The following MAN2B1 variants were observed in gnomAD, a reference collection of about 807,000 sequenced individuals.
The protein encoded by MAN2B1 is lysosomal alpha-mannosidase.
A neutral mutation model predicts 127.5 loss-of-function variants in MAN2B1; 99 were observed. The ratio of observed to expected loss-of-function variants is 0.78; its 90% CI spans 0.66 to 0.92. MAN2B1 has a LOEUF of 0.92. MAN2B1 is among the 40% of genes least tolerant of loss of function. The pLI is 0.00. For synonymous variants in MAN2B1, 573 were observed against 568.8 expected, an observed-to-expected ratio of 1.01 and a Z score of -0.11; for missense variants, 1,304 against 1,384.8, an observed-to-expected ratio of 0.94 and a Z score of 0.93.
At position 12,657,573 on chromosome 19, in the gene MAN2B1, G is replaced by A. The variant is rs1242579166; in HGVS notation, c.1310-18C>T. 1.3e-6 allele frequency: 2 copies of A among 1,546,924 alleles called. No homozygotes were observed. Among genetic ancestry groups the A allele is most frequent in the Non-Finnish European group, 1.8e-6 (2 of 1,142,614 alleles). ...CGCCTCATCTGCTCATAGACAATGA[G>A]TCCGGTGAGGTTCTGTGGGACTCAG... On this transcript the variant is annotated intron_variant, in intron 10 of 23. Coordinates refer to ENST00000456935, the MANE Select transcript of MAN2B1 (RefSeq NM_000528.4).
chr19:12,656,421 T>C, intron 13 of MAN2B1, 150 bp downstream of exon 13: 4 of 662,708 alleles, frequency 6.0e-6, no homozygotes, highest in Non-Finnish European at 1.1e-5. Context: ...AGACTGATAT[T>C]AAGGGGCAGA....
In MAN2B1 at chr19:12,649,477, CTTTTT is replaced by C. The variant is rs36018312; in HGVS notation, c.2268-54_2268-50del. The C allele has an allele frequency of 7.8e-3, 3,284 of 421,310 alleles. 88 individuals are homozygous for C. The African/African-American group carries it at 0.11, about 14-fold the overall frequency. 26.1% of individuals were successfully genotyped at this position (421,310 alleles called of 1,614,324 possible). On this transcript the variant is annotated intron_variant, in intron 18 of 23. Transcript: ENST00000456935. ...AGGCTTGGGATCTGGCTCCCCAACT[CTTTTT>C]TTTTTTTTTTTTTTTTTGAGATGGA...
Position 12,662,948 on chromosome 19 carries a change from A to T in MAN2B1, c.909+369T>A, listed in dbSNP as rs149860781. Among the ~76,000 whole-genome samples, 677 of 149,916 alleles carry T rather than the reference A, an allele frequency of 4.5e-3. 10 individuals carry two copies. Among genetic ancestry groups the T allele is most frequent in the East Asian group, 0.042 (214 of 5,138 alleles). Reference sequence around the variant, plus strand: ...GCAAGACTCTGTCTCAAAAAAAAAAAAATAATAATAAATAAATAAAAATGT... The same window carrying T: ...GCAAGACTCTGTCTCAAAAAAAAAATAATAATAATAAATAAATAAAAATGT... On this transcript the variant is annotated intron_variant, in intron 6 of 23. Coordinates refer to ENST00000456935, the MANE Select transcript of MAN2B1 (RefSeq NM_000528.4).
intron 3 of MAN2B1, 137 bp from the exon 4 acceptor site, chr19:12,665,122 A>C: frequency 9.5e-7 from 1 of 1,052,016 alleles, no homozygotes; most frequent in Non-Finnish European, 1.4e-6. Context: ...CCCAGGCCAT[A>C]GTTCCCAGAT....
intron 23 of MAN2B1, 167 bp from the exon 24 acceptor site, chr19:12,646,899 C>G: frequency 1.6e-6 from 1 of 634,064 alleles, no homozygotes; most frequent in Non-Finnish European, 2.8e-6. Flanking sequence ...AATACCACCC[C>G]CAGGTCCAAT....
At chr19:12,652,768 G>A (rs1226945646) in intron 14 of MAN2B1, among the ~76,000 whole-genome samples, 1 of 151,946 alleles carries the variant, frequency 6.6e-6, no homozygotes, top group Non-Finnish European at 1.5e-5. Flanking sequence ...CTGAACTCAA[G>A]TGATCTGCTC....
intron 14 of MAN2B1, among the ~76,000 whole-genome samples, chr19:12,654,929 G>A (rs999659270): frequency 6.6e-6 from 1 of 152,276 alleles, no homozygotes; most frequent in South Asian, 2.1e-4. Context: ...GCCTCCCGTG[G>A]TGCTAGAATT....
intron 16 of MAN2B1, among the ~76,000 whole-genome samples, chr19:12,651,137 C>T (rs1207829587): frequency 1.3e-5 from 2 of 152,164 alleles, no homozygotes; most frequent in African/African-American, 4.8e-5. Flanking sequence ...TACCACATCA[C>T]TCTTGAGCGT....
rs761096537 is a variant in MAN2B1 at position 12,650,243 on chromosome 19, T to C, written c.2047-21A>G. 2.8e-5 allele frequency: 42 copies of C among 1,507,408 alleles called. 1 individual carries two copies. The highest frequency in any genetic ancestry group is 6.7e-5 in the Admixed American group (4 of 59,840). 93.4% of individuals were successfully genotyped at this position (1,507,408 alleles called of 1,614,324 possible). On this transcript the variant is annotated intron_variant, in intron 16 of 23. Transcript: ENST00000456935. ...GGTGTCTGCGGGCACACGGGTGAGGTGGATGTCAGTCTGTACCTGAGCAGA... is the reference window on the plus strand; with the variant it reads ...GGTGTCTGCGGGCACACGGGTGAGGCGGATGTCAGTCTGTACCTGAGCAGA...
At chr19:12,649,296 T>A (rs1469902328) in intron 19 of MAN2B1, 45 bp downstream of exon 19, 1 of 1,598,612 alleles carries the variant, frequency 6.3e-7, no homozygotes, top group Non-Finnish European at 8.6e-7. Context: ...AAGGGGTGAT[T>A]CCCTTTCTAT....
intron 7 of MAN2B1, among the ~76,000 whole-genome samples, chr19:12,659,390 C>T (rs1485766832): frequency 6.6e-6 from 1 of 151,768 alleles, no homozygotes; most frequent in African/African-American, 2.4e-5. Flanking sequence ...CAAACTCCGC[C>T]TCCCAGGTTC....
chr19:12,661,443 G>C, intron 6 of MAN2B1, 67 bp from the exon 7 acceptor site: 1 of 1,065,640 alleles, frequency 9.4e-7, no homozygotes, highest in South Asian at 1.2e-5. Context: ...GCTGTGTTTT[G>C]ATGTATATGG....
In MAN2B1 at chr19:12,648,404, T is replaced by TG. The variant is rs1599339748; in HGVS notation, c.2437-3dup. ...GTCCTTCAGCAGCCTTCGGTGCACC[T>TG]GGGGGGAGAGTGGCCAGGAGGGGGT... On this transcript the variant is annotated splice_region_variant and splice_polypyrimidine_tract_variant and intron_variant, in intron 20 of 23. Transcript: ENST00000456935. The TG allele has an allele frequency of 6.2e-7, 1 of 1,608,280 alleles. No homozygotes were observed.
At chr19:12,652,092 C>G (rs2023850214) in intron 16 of MAN2B1, 61 bp downstream of exon 16, 8 of 1,296,948 alleles carry the variant, frequency 6.2e-6, no homozygotes, top group Non-Finnish European at 9.0e-6. Context: ...GGCCCACCAC[C>G]CTCTTGGGCT....
chr19:12,656,985 G>A lies in MAN2B1; in HGVS notation c.1491C>T (p.Asn497=). 2 of 1,613,718 alleles carry A rather than the reference G, an allele frequency of 1.2e-6. No individual in the cohort carries two copies. The highest frequency in any genetic ancestry group is 1.7e-6 in the Non-Finnish European group (2 of 1,180,006). ...KDHFTFCQQL[N]ISICPLSQTA... Reference sequence around the variant, plus strand: ...TCTGGCTGAGCGGGCAGATGCTGATGTTTAGCTGTTGGCAAAAGGTGAAGT... The same window carrying A: ...TCTGGCTGAGCGGGCAGATGCTGATATTTAGCTGTTGGCAAAAGGTGAAGT... Residue 497 remains asparagine (N), a synonymous_variant, in exon 12 of 24, where the codon AAC becomes AAT. Transcript: ENST00000456935.
In MAN2B1 at chr19:12,666,614, G is replaced by A. The variant is rs758435385; in HGVS notation, c.88C>T (p.Pro30Ser). 1.9e-6 allele frequency: 3 copies of A among 1,558,512 alleles called. No individual in the cohort carries two copies. Among genetic ancestry groups the A allele is most frequent in the East Asian group, 2.4e-5 (1 of 41,798 alleles). The change falls in exon 1 of 24, where the codon CCA becomes TCA. Residue 30 changes from proline (P) to serine (S), a missense_variant. Transcript: ENST00000456935. ...GPWTMSRALR[P>S]PLPPLCFFLL... ...AAAAAGCAGAGAGGCGGGAGCGGTG[G>A]CCGCAGGGCGCGGGACATGGTCCAG... is the stretch of plus-strand genomic sequence containing the variant.
At position 12,647,567 on chromosome 19, in the gene MAN2B1, G is replaced by A. The variant is rs767323371; in HGVS notation, c.2696C>T (p.Ser899Leu). The change falls in exon 22 of 24, where the codon TCG (serine) becomes TTG (leucine). Residue 899 changes from serine (S) to leucine (L), a missense_variant. Transcript: ENST00000456935. The surrounding 1 kb of genome is among the most constrained non-coding windows in gnomAD (Gnocchi z 4.9). Reference protein sequence around the residue: ...FSGLRRDLPPSVHLLTLASWG... With the variant: ...FSGLRRDLPPLVHLLTLASWG... ...GCTGGCCAGCGTGAGCAGGTGCACC[G>A]AGGGCGGCAGGTCCCTGCGCAGCCC... The A allele has an allele frequency of 2.5e-6, 4 of 1,614,066 alleles. No individual in the cohort carries two copies. The highest frequency in any genetic ancestry group is 1.7e-5 in the Admixed American group (1 of 60,016).
rs1184840860 is a variant in MAN2B1 at position 12,647,644 on chromosome 19, G to A, written c.2665-46C>T. ...CTGAGTTGGAGAGGGGCGGGGCCTG[G>A]ATGGAGAAGGGCGGGGCCGAGCCAG... On this transcript the variant is annotated intron_variant, in intron 21 of 23. Coordinates refer to ENST00000456935, the MANE Select transcript of MAN2B1 (RefSeq NM_000528.4). This position sits in a 1 kb window ranked among gnomAD's most constrained non-coding sequence, Gnocchi z 4.9. The A allele has an allele frequency of 3.8e-6, 6 of 1,563,594 alleles. No individual in the cohort carries two copies. Among genetic ancestry groups the A allele is most frequent in the East Asian group, 2.3e-5 (1 of 44,274 alleles).
chr19:12,658,296 C>A lies in MAN2B1; in HGVS notation c.1158G>T (p.Gln386His), dbSNP rs112829030. ...DFFPYADGPH[Q>H]FWTGYFSSRP... ...GACTGGAAAAGTAACCGGTCCAGAA[C>A]TGGTGGGGGCCATCCGCGTAAGGGA... Residue 386 changes from glutamine to histidine, a missense_variant, in exon 9 of 24, where the codon CAG becomes CAT. Coordinates refer to ENST00000456935, the MANE Select transcript of MAN2B1 (RefSeq NM_000528.4). 1.1e-5 allele frequency: 17 copies of A among 1,614,092 alleles called. No homozygotes were observed. The highest frequency in any genetic ancestry group is 1.4e-5 in the Non-Finnish European group (16 of 1,180,048).
Sources: gnomAD v4.1 joint callset for allele counts (sites outside exome capture counted in the v4.1 genomes callset) on GRCh38, gnomAD v4.1.1 for gene constraint, Gnocchi (gnomAD v3.1) non-coding constraint, MANE v1.5 for transcripts, NCBI Gene and HGNC (gene_info 2026-07-23, HGNC 2026-07-21) for gene names.